The following MARCHF1 variants were observed in gnomAD, a reference collection of about 807,000 sequenced individuals.
MARCHF1 encodes the protein E3 ubiquitin-protein ligase MARCHF1.
MARCHF1 carries 40 observed loss-of-function variants against 54.2 expected under a neutral mutation model. That is an observed-to-expected ratio of 0.74 (90% CI 0.57 to 0.96). The LOEUF is 0.96. Among genes scored for constraint, MARCHF1 ranks in the 40% least tolerant of loss-of-function variants. The pLI is 0.00. For missense variants in MARCHF1, 586 were observed against 656.5 expected (o/e 0.89, Z 1.17); for synonymous variants, 236 against 236.3 (o/e 1.00, Z 0.01).
At chr4:164,321,705 T>C (rs1051923565) in intron 1 of MARCHF1, among the ~76,000 whole-genome samples, 8 of 151,856 alleles carry the variant, frequency 5.3e-5, no homozygotes, top group Admixed American at 3.3e-4. Flanking sequence ...ATGCAAAGAG[T>C]CTGAGGGTAT....
intron 4 of MARCHF1, among the ~76,000 whole-genome samples, chr4:163,743,247 TA>T (rs1746260685): frequency 6.6e-6 from 1 of 152,170 alleles, no homozygotes; most frequent in African/African-American, 2.4e-5. Flanking sequence ...ATTATAAAAT[TA>T]TCTGATGTGG....
At chr4:164,125,819 T>C (rs1756167988) in intron 1 of MARCHF1, among the ~76,000 whole-genome samples, 1 of 152,164 alleles carries the variant, frequency 6.6e-6, no homozygotes, top group Non-Finnish European at 1.5e-5. Flanking sequence ...ACAAACCCTG[T>C]TGTGAACTGC....
chr4:164,172,748 C>G (rs1426600951), intron 1 of MARCHF1, among the ~76,000 whole-genome samples: 2 of 152,134 alleles, frequency 1.3e-5, no homozygotes, highest in Admixed American at 6.5e-5. Context: ...GAGGCTGAGG[C>G]GGGCAAACCA....
At chr4:164,121,243 A>G (rs945684161) in intron 1 of MARCHF1, among the ~76,000 whole-genome samples, 5 of 152,152 alleles carry the variant, frequency 3.3e-5, no homozygotes, top group African/African-American at 7.2e-5. Flanking sequence ...TTCTAGATGC[A>G]TACAACCTAC....
rs548743653 is a variant in MARCHF1, at chr4:164,113,947, C to T, written c.-322-2285G>A. Among the ~76,000 whole-genome samples the T allele has an allele frequency of 2.4e-3, 371 of 152,008 alleles. 1 individual carries two copies. Among genetic ancestry groups the T allele is most frequent in the Non-Finnish European group, 4.0e-3 (270 of 67,878 alleles). ...AACTGTTTAACCCCAAAATAGGAGACTTGCATATTTATTAAAGCAAACTTC... is the reference window on the plus strand; with the variant it reads ...AACTGTTTAACCCCAAAATAGGAGATTTGCATATTTATTAAAGCAAACTTC... On this transcript the variant is annotated intron_variant, in intron 1 of 9. Coordinates refer to ENST00000514618, the MANE Select transcript of MARCHF1 (RefSeq NM_001394959.1).
At chr4:164,066,186 A>T (rs998188339) in intron 2 of MARCHF1, among the ~76,000 whole-genome samples, 2 of 152,222 alleles carry the variant, frequency 1.3e-5, no homozygotes, top group African/African-American at 4.8e-5. Context: ...GCAAGAAAAA[A>T]AAAACTCCAT....
Position 164,220,900 on chromosome 4 carries a change from G to A in MARCHF1, c.-322-109238C>T, listed in dbSNP as rs555745526. 2.1e-3 allele frequency among the ~76,000 whole-genome samples: 314 copies of A among 150,984 alleles called. 2 individuals are homozygous for A. Among genetic ancestry groups the A allele is most frequent in the African/African-American group, 7.2e-3 (299 of 41,390 alleles). On this transcript the variant is annotated intron_variant, in intron 1 of 9. Coordinates refer to ENST00000514618, the MANE Select transcript of MARCHF1 (RefSeq NM_001394959.1). The stretch of plus-strand genomic sequence containing the variant: ...TAAAAAAACAAAACAGTAGTAGACA[G>A]TAGTAGACATTGAATAATGTATTTT...
chr4:163,908,311 C>T (rs1260903614), intron 3 of MARCHF1, among the ~76,000 whole-genome samples: 1 of 151,924 alleles, frequency 6.6e-6, no homozygotes, highest in Admixed American at 6.6e-5. Flanking sequence ...GCATGTTTGC[C>T]TCATGCATTA....
At chr4:164,368,651 C>T (rs1236647410) in intron 1 of MARCHF1, among the ~76,000 whole-genome samples, 2 of 152,090 alleles carry the variant, frequency 1.3e-5, no homozygotes, top group Non-Finnish European at 2.9e-5. Flanking sequence ...AATGACCAAC[C>T]AGGATTTATC....
At chr4:164,363,766 C>CATGTGTGTGT (rs1554004696) in intron 1 of MARCHF1, among the ~76,000 whole-genome samples, 3 of 150,100 alleles carry the variant, frequency 2.0e-5, no homozygotes, top group African/African-American at 7.3e-5. Flanking sequence ...ATTAATAAGC[C>CATGTGTGTGT]GTGTGTGTGT....
Position 163,895,140 on chromosome 4 carries a change from G to C in MARCHF1, c.-38-40971C>G, listed in dbSNP as rs540279308. Among the ~76,000 whole-genome samples, 11 of 152,262 alleles carry C rather than the reference G, an allele frequency of 7.2e-5. No individual in the cohort carries two copies. The South Asian group carries it at 2.1e-3, about 29-fold the overall frequency. ...GAGTCGATTTCTACAAGCATGCATA[G>C]AATACCTATATAAGACGTATGTGTG... is the stretch of plus-strand genomic sequence containing the variant. On this transcript the variant is annotated intron_variant, in intron 3 of 9. Transcript: ENST00000514618.
At chr4:163,784,245 G>C (rs78774521) in intron 4 of MARCHF1, among the ~76,000 whole-genome samples, 3 of 151,328 alleles carry the variant, frequency 2.0e-5, no homozygotes, top group Non-Finnish European at 4.4e-5. Flanking sequence ...TTTTCAACAT[G>C]CAGCTTCAAA....
rs144427864 is a variant in MARCHF1, at chr4:163,976,661, T to G, written c.-39+11840A>C. On this transcript the variant is annotated intron_variant, in intron 3 of 9. Transcript: ENST00000514618. ...ATTGCAACTTCTGATTTGTTTGCTG[T>G]AAAACTCACATTTAGAACAATGAGT... 4.4e-3 allele frequency among the ~76,000 whole-genome samples: 674 copies of G among 152,308 alleles called. 3 individuals carry two copies. Among genetic ancestry groups the G allele is most frequent in the African/African-American group, 0.015 (642 of 41,582 alleles).
At chr4:163,962,487 G>A (rs982160227) in intron 3 of MARCHF1, among the ~76,000 whole-genome samples, 8 of 151,790 alleles carry the variant, frequency 5.3e-5, no homozygotes, top group African/African-American at 1.9e-4. Context: ...TTATTTAAAT[G>A]GTGTAAGGAA....
intron 1 of MARCHF1, among the ~76,000 whole-genome samples, chr4:164,252,505 G>C (rs868759466): frequency 2.6e-5 from 4 of 152,088 alleles, no homozygotes; most frequent in Non-Finnish European, 4.4e-5. Context: ...ACAGCTGTGC[G>C]TCATGCTCAG....
Position 164,312,303 on chromosome 4 carries a change from G to A in MARCHF1, c.-323+71567C>T, listed in dbSNP as rs771432493. Among the ~76,000 whole-genome samples the A allele has an allele frequency of 1.3e-3, 197 of 146,742 alleles. No individual in the cohort carries two copies. The Middle Eastern group carries it at 0.014, about 11-fold the overall frequency. ...TACTAAAAGCAAATGAAGCACCTGTGAATTATTTTCTTTTTCTTTTTTTTT... is the reference window on the plus strand; with the variant it reads ...TACTAAAAGCAAATGAAGCACCTGTAAATTATTTTCTTTTTCTTTTTTTTT... On this transcript the variant is annotated intron_variant, in intron 1 of 9. Transcript: ENST00000514618.
At position 164,215,288 on chromosome 4, in the gene MARCHF1, C is replaced by T. The variant is rs185608710; in HGVS notation, c.-322-103626G>A. On this transcript the variant is annotated intron_variant, in intron 1 of 9. Transcript: ENST00000514618. ...CCCGCCTCCTTCCTTCGGTAGATAGCCTGCCAGCGTTCTGGCGTCTGTCAC... is the reference window on the plus strand; with the variant it reads ...CCCGCCTCCTTCCTTCGGTAGATAGTCTGCCAGCGTTCTGGCGTCTGTCAC... Among the ~76,000 whole-genome samples the T allele has an allele frequency of 3.3e-4, 51 of 152,256 alleles. No homozygotes were observed. In the East Asian group the frequency reaches 7.8e-3, roughly 23 times the overall value.
chr4:163,741,315 TG>T (rs1004857899), intron 4 of MARCHF1, among the ~76,000 whole-genome samples: 1 of 152,164 alleles, frequency 6.6e-6, no homozygotes, highest in African/African-American at 2.4e-5. Flanking sequence ...CCGGGTGTGG[TG>T]GCTCAAGCCT....
At chr4:163,643,539 T>C (rs1012875019) in intron 5 of MARCHF1, among the ~76,000 whole-genome samples, 2 of 152,078 alleles carry the variant, frequency 1.3e-5, no homozygotes, top group African/African-American at 4.8e-5. Context: ...TATTTTGTTC[T>C]TAAAAATATT....
Sources: gnomAD v4.1 joint callset for allele counts (sites outside exome capture counted in the v4.1 genomes callset) on GRCh38, gnomAD v4.1.1 for gene constraint, MANE v1.5 for transcripts, NCBI Gene and HGNC (gene_info 2026-07-23, HGNC 2026-07-21) for gene names.